Variants in RMDN1 observed in about 807,000 individuals in gnomAD.
RMDN1 encodes the protein regulator of microtubule dynamics 1.
Under a neutral mutation model 48.9 loss-of-function variants are expected in RMDN1, and 48 were observed. That is an observed-to-expected ratio of 0.98 (90% CI 0.78 to 1.25). The LOEUF is 1.25. Among genes scored for constraint, RMDN1 ranks in the 50% most tolerant of loss-of-function variants. RMDN1 has a pLI of 0.00. For synonymous variants in RMDN1, 148 were observed against 132.6 expected (o/e 1.12, Z -0.80); for missense variants, 418 against 373.4 (o/e 1.12, Z -0.98).
chr8:86,501,202 A>G (rs1416773053), intron 2 of RMDN1, among the ~76,000 whole-genome samples: 1 of 152,202 alleles, frequency 6.6e-6, no homozygotes. Context: ...ATCTAAAATA[A>G]AAGTTGGAAA....
intron 4 of RMDN1, 124 bp downstream of exon 4, chr8:86,486,360 T>G (rs909153583): frequency 4.5e-5 from 25 of 557,614 alleles, no homozygotes; most frequent in Non-Finnish European, 6.4e-5. Context: ...GATATAAGAT[T>G]GAATAAAAAG....
intron 2 of RMDN1, among the ~76,000 whole-genome samples, chr8:86,505,677 A>T (rs144928054): frequency 1.1e-3 from 171 of 152,320 alleles, no homozygotes; most frequent in African/African-American, 3.9e-3. Flanking sequence ...GCCAAATAAT[A>T]AAAACAGAAG....
At chr8:86,471,431 AAGG>A (rs1812554292), downstream of RMDN1, among the ~76,000 whole-genome samples, 1 of 152,172 alleles carries the variant, frequency 6.6e-6, no homozygotes, top group South Asian at 2.1e-4. Context: ...AAATGAGAAA[AAGG>A]AGAGTAAACT....
At chr8:86,479,649 A>G (rs944120474) in intron 6 of RMDN1, among the ~76,000 whole-genome samples, 1 of 152,140 alleles carries the variant, frequency 6.6e-6, no homozygotes, top group Admixed American at 6.5e-5. Flanking sequence ...TGTTAGCTTA[A>G]TATGTCCTTT....
chr8:86,473,493 C>A lies in RMDN1; in HGVS notation c.*815G>T, dbSNP rs191026263. The A allele has an allele frequency of 3.0e-6, 3 of 984,506 alleles. No individual in the cohort carries two copies. The highest frequency in any genetic ancestry group is 3.6e-6 in the Non-Finnish European group (3 of 829,224). 61.0% of individuals were successfully genotyped at this position (984,506 alleles called of 1,614,324 possible). A position where few individuals can be genotyped will look rare whatever the true frequency, so the allele number is the denominator to read the frequency against. ...ACATTTAAAGTAAACTGGCCAGGTG[C>A]GGTGGCTCACGCCTGTAATCCCAGC... On this transcript the variant is annotated 3_prime_UTR_variant, in exon 10 of 10. Transcript: ENST00000406452.
At chr8:86,487,731 G>A (rs2130860901) in intron 3 of RMDN1, among the ~76,000 whole-genome samples, 1 of 151,558 alleles carries the variant, frequency 6.6e-6, no homozygotes, top group African/African-American at 2.4e-5. Flanking sequence ...AATGAATATG[G>A]AGTAACTACC....
At position 86,507,028 on chromosome 8, in the gene RMDN1, A is replaced by G; in HGVS notation, c.214T>C (p.Ser72Pro). 6.2e-7 allele frequency: 1 copy of G among 1,611,430 alleles called. No homozygotes were observed. Reference protein sequence around the residue: ...YLGFETYQVISQAAVVHATAK... With the variant: ...YLGFETYQVIPQAAVVHATAK... ...GTGGCATGAACCACAGCAGCCTGAGAGATAACCTGGTAAGTTTCAAAACCC... is the reference window on the plus strand; with the variant it reads ...GTGGCATGAACCACAGCAGCCTGAGGGATAACCTGGTAAGTTTCAAAACCC... The change falls in exon 2 of 10, where the codon TCT becomes CCT. Residue 72 changes from serine (S) to proline (P), a missense_variant. Ser to Pro is a moderately conservative substitution (Grantham distance 74, BLOSUM62 -1). Transcript: ENST00000406452.
chr8:86,468,773 TTA>T (rs1294161572), downstream of RMDN1: 5 of 452,668 alleles, frequency 1.1e-5, no homozygotes, highest in African/African-American at 1.0e-4. Context: ...TCATACCCAA[TTA>T]TAGATATCCA....
chr8:86,497,459 T>C (rs1237000924), intron 2 of RMDN1, among the ~76,000 whole-genome samples: 1 of 152,136 alleles, frequency 6.6e-6, no homozygotes, highest in Non-Finnish European at 1.5e-5. Context: ...TCCTAGCACT[T>C]TGGGAGGCCA....
intron 2 of RMDN1, among the ~76,000 whole-genome samples, chr8:86,490,062 T>C (rs754423528): frequency 6.6e-6 from 1 of 152,110 alleles, no homozygotes; most frequent in Non-Finnish European, 1.5e-5. Context: ...AGTTTAATAA[T>C]ATTCATATGG....
At chr8:86,479,798 T>TA (rs1163682428) in intron 6 of RMDN1, among the ~76,000 whole-genome samples, 7 of 152,150 alleles carry the variant, frequency 4.6e-5, no homozygotes, top group Non-Finnish European at 1.0e-4. Flanking sequence ...AACAGACTCT[T>TA]AAACCATCAA....
chr8:86,471,448 A>G (rs186191168), downstream of RMDN1, among the ~76,000 whole-genome samples: 5 of 152,302 alleles, frequency 3.3e-5, no homozygotes, highest in Non-Finnish European at 7.4e-5. Context: ...GTAAACTTTA[A>G]CACAATATGC....
At chr8:86,470,730 G>GAAC (rs1420869414), downstream of RMDN1, among the ~76,000 whole-genome samples, 1 of 152,116 alleles carries the variant, frequency 6.6e-6, no homozygotes, top group East Asian at 1.9e-4. Flanking sequence ...ACTATTGATA[G>GAAC]AACTTAGGTC....
intron 2 of RMDN1, chr8:86,505,122 G>A (rs1819094816): frequency 7.6e-7 from 1 of 1,323,044 alleles, no homozygotes; most frequent in Non-Finnish European, 1.0e-6. Flanking sequence ...CTCCCTGAAT[G>A]AGAGACCTCA....
Position 86,507,099 on chromosome 8 carries a change from G to C in RMDN1, c.143C>G (p.Pro48Arg). Residue 48 changes from proline (P) to arginine (R), a missense_variant, in exon 2 of 10, where the codon CCA becomes CGA. Coordinates refer to ENST00000406452, the MANE Select transcript of RMDN1 (RefSeq NM_016033.3). Reference sequence around the variant, plus strand: ...TAAAAGGCCTCTTTTGAAAGTTCCTGGGTTTCCCATTACCTATGGAAACAA... The same window carrying C: ...TAAAAGGCCTCTTTTGAAAGTTCCTCGGTTTCCCATTACCTATGGAAACAA... Reference protein sequence around the residue: ...RFRGFEVMGNPGTFKRGLLLS... With the variant: ...RFRGFEVMGNRGTFKRGLLLS... 2 of 1,603,726 alleles carry C rather than the reference G, an allele frequency of 1.2e-6. No individual in the cohort carries two copies. The highest frequency in any genetic ancestry group is 8.5e-7 in the Non-Finnish European group (1 of 1,170,718).
intron 5 of RMDN1, among the ~76,000 whole-genome samples, chr8:86,480,744 G>A (rs1814249815): frequency 6.6e-6 from 1 of 152,030 alleles, no homozygotes; most frequent in African/African-American, 2.4e-5. Context: ...TCCTAAAGAA[G>A]AAAAGTGCAT....
Position 86,474,089 on chromosome 8 carries a change from CTT to C in RMDN1, c.*217_*218del. The C allele has an allele frequency of 2.4e-6, 3 of 1,276,514 alleles. No homozygotes were observed. The highest frequency in any genetic ancestry group is 6.6e-5 in the East Asian group (2 of 30,458). The allele number at this position is 1,276,514 out of a possible 1,614,324, so 79.1% of individuals were successfully genotyped here. A position where few individuals can be genotyped will look rare whatever the true frequency, so the allele number is the denominator to read the frequency against. Reference sequence around the variant, plus strand: ...TGGTATCCAGGATGCAAAATAATCTCTTTGCCTGAGCCATGGAGATTTATTTC... The same window carrying C: ...TGGTATCCAGGATGCAAAATAATCTCTGCCTGAGCCATGGAGATTTATTTC... On this transcript the variant is annotated 3_prime_UTR_variant, in exon 10 of 10. Coordinates refer to ENST00000406452, the MANE Select transcript of RMDN1 (RefSeq NM_016033.3).
At chr8:86,475,720 C>T (rs1813260065) in intron 8 of RMDN1, among the ~76,000 whole-genome samples, 1 of 152,174 alleles carries the variant, frequency 6.6e-6, no homozygotes, top group African/African-American at 2.4e-5. Context: ...ATACTTTTTC[C>T]TGTATACAAT....
intron 2 of RMDN1, among the ~76,000 whole-genome samples, chr8:86,496,921 A>C (rs1421308936): frequency 6.6e-6 from 1 of 152,166 alleles, no homozygotes; most frequent in Non-Finnish European, 1.5e-5. Flanking sequence ...TAAAAAAAAA[A>C]ACTGAAATCA....
Sources: allele counts gnomAD v4.1 joint callset (sites outside exome capture counted in the v4.1 genomes callset), GRCh38; gene constraint gnomAD v4.1.1; transcripts MANE v1.5; gene names NCBI Gene and HGNC (gene_info 2026-07-23, HGNC 2026-07-21).